The following KIAA1328 variants were observed in gnomAD, a reference collection of about 807,000 sequenced individuals.
KIAA1328 encodes KIAA1328.
In KIAA1328, 52 loss-of-function variants were observed where a neutral mutation model predicts 68.1. The observed-to-expected ratio is 0.76, with a 90% confidence interval of 0.61 to 0.96. The LOEUF (loss-of-function observed/expected upper bound fraction) is 0.96. Ranked by LOEUF, KIAA1328 falls within the 40% of genes least tolerant of loss-of-function variation. The pLI, the probability that KIAA1328 is intolerant of heterozygous loss-of-function variation, is 0.00. For synonymous variants in KIAA1328, 232 were observed against 239.4 expected (o/e 0.97, Z 0.28); for missense variants, 641 against 677.6 (o/e 0.95, Z 0.60).
Position 37,224,762 on chromosome 18 carries a change from T to A in KIAA1328, c.*2535T>A, listed in dbSNP as rs2060618007. On this transcript the variant is annotated 3_prime_UTR_variant, in exon 10 of 10. Transcript: ENST00000280020. ...ATTTGCTCGTCCAGCCTCTAGACACTTCCCAAAGCAAGACTGGACACATGC... is the reference window on the plus strand; with the variant it reads ...ATTTGCTCGTCCAGCCTCTAGACACATCCCAAAGCAAGACTGGACACATGC... 1.0e-6 allele frequency: 1 copy of A among 985,256 alleles called. No individual in the cohort carries two copies. The highest frequency in any genetic ancestry group is 1.2e-6 in the Non-Finnish European group (1 of 829,930). The allele number at this position is 985,256 out of a possible 1,614,324, so 61.0% of individuals were successfully genotyped here.
At chr18:37,008,614 T>C (rs2053865630) in intron 6 of KIAA1328, among the ~76,000 whole-genome samples, 1 of 152,162 alleles carries the variant, frequency 6.6e-6, no homozygotes, top group African/African-American at 2.4e-5. Context: ...AGACAAAGAC[T>C]TTAAAGCAGC....
At chr18:36,835,934 G>T (rs1241848498) in intron 3 of KIAA1328, among the ~76,000 whole-genome samples, 1 of 152,240 alleles carries the variant, frequency 6.6e-6, no homozygotes, top group Middle Eastern at 3.4e-3. Context: ...GAATGTTCTG[G>T]AATCTATAAC....
At chr18:36,942,018 C>T (rs2050732033) in intron 5 of KIAA1328, among the ~76,000 whole-genome samples, 1 of 152,052 alleles carries the variant, frequency 6.6e-6, no homozygotes, top group Non-Finnish European at 1.5e-5. Flanking sequence ...TGGTACTTTG[C>T]CTTGAAAAAA....
At chr18:37,128,565 A>G (rs904682493) in intron 7 of KIAA1328, among the ~76,000 whole-genome samples, 3 of 152,220 alleles carry the variant, frequency 2.0e-5, no homozygotes, top group East Asian at 1.9e-4. Context: ...AGAATGCAAA[A>G]TGATACAGCC....
At chr18:37,226,621 T>C (rs1364104807), downstream of KIAA1328, among the ~76,000 whole-genome samples, 1 of 152,200 alleles carries the variant, frequency 6.6e-6, no homozygotes, top group Non-Finnish European at 1.5e-5. Context: ...CACATATACA[T>C]GGTTCCTTTT....
intron 9 of KIAA1328, among the ~76,000 whole-genome samples, chr18:37,201,729 G>A (rs1269580950): frequency 2.0e-5 from 3 of 152,182 alleles, no homozygotes; most frequent in East Asian, 1.9e-4. Flanking sequence ...GACTGTGCCT[G>A]TAATACATGT....
chr18:36,941,335 C>G (rs1336142538), intron 5 of KIAA1328, among the ~76,000 whole-genome samples: 1 of 152,090 alleles, frequency 6.6e-6, no homozygotes. Context: ...TGGCTCATGC[C>G]TGTAATCCCA....
intron 6 of KIAA1328, among the ~76,000 whole-genome samples, chr18:37,010,171 A>G (rs905795559): frequency 2.0e-5 from 3 of 152,114 alleles, no homozygotes; most frequent in Admixed American, 2.0e-4. Flanking sequence ...AAGGCTGGGC[A>G]CAATGGCTCA....
intron 9 of KIAA1328, among the ~76,000 whole-genome samples, chr18:37,194,959 A>C (rs957339530): frequency 6.6e-6 from 1 of 152,136 alleles, no homozygotes; most frequent in Non-Finnish European, 1.5e-5. Flanking sequence ...CGCCCAGCCT[A>C]TGGTTGCTTT....
At position 37,067,066 on chromosome 18, in the gene KIAA1328, C is replaced by A; in HGVS notation, c.753C>A (p.Thr251=). ...GGAATAATTCTTTGAAACCAGTAACCCTTCATCATCCCAAAGATGATCTAG... is the reference window on the plus strand; with the variant it reads ...GGAATAATTCTTTGAAACCAGTAACACTTCATCATCCCAAAGATGATCTAG... The part of the protein sequence containing the change: ...AFRNNSLKPV[T]LHHPKDDLDK... The change falls in exon 7 of 10, where the codon ACC becomes ACA. Residue 251 remains threonine, a synonymous_variant. Coordinates refer to ENST00000280020, the MANE Select transcript of KIAA1328 (RefSeq NM_020776.3). 1 of 1,613,936 alleles carries A rather than the reference C, an allele frequency of 6.2e-7. No individual in the cohort carries two copies. The highest frequency in any genetic ancestry group is 8.5e-7 in the Non-Finnish European group (1 of 1,179,864).
At chr18:37,179,531 G>A (rs1035063981) in intron 9 of KIAA1328, among the ~76,000 whole-genome samples, 2 of 152,216 alleles carry the variant, frequency 1.3e-5, no homozygotes, top group South Asian at 2.1e-4. Flanking sequence ...ACAGTTGCCT[G>A]TGCACAGCCA....
chr18:36,937,869 T>C (rs188823691), intron 5 of KIAA1328, among the ~76,000 whole-genome samples: 55 of 152,330 alleles, frequency 3.6e-4, no homozygotes, highest in African/African-American at 8.4e-4. Context: ...AATATTGTCT[T>C]TCCATTCTTG....
At chr18:36,835,123 G>A (rs2046629967) in intron 2 of KIAA1328, 111 bp from the exon 3 acceptor site, 2 of 756,146 alleles carry the variant, frequency 2.6e-6, no homozygotes, top group African/African-American at 1.8e-5. Flanking sequence ...AAGTAAGAGA[G>A]TTTCCTCCAT....
chr18:37,067,794 A>C (rs1038336327), intron 7 of KIAA1328, among the ~76,000 whole-genome samples: 2 of 151,960 alleles, frequency 1.3e-5, no homozygotes, highest in Non-Finnish European at 2.9e-5. Context: ...TCCTGATCTC[A>C]TGATCCACCC....
intron 8 of KIAA1328, among the ~76,000 whole-genome samples, chr18:37,164,165 A>C (rs1459631524): frequency 6.6e-6 from 1 of 152,226 alleles, no homozygotes; most frequent in Admixed American, 6.5e-5. Context: ...TATAAGTTCC[A>C]TATGTTCACT....
At chr18:36,870,495 C>T (rs2047908570) in intron 4 of KIAA1328, among the ~76,000 whole-genome samples, 1 of 152,004 alleles carries the variant, frequency 6.6e-6, no homozygotes, top group African/African-American at 2.4e-5. Context: ...AAAATAGTAG[C>T]AGATGAAGTA....
chr18:36,939,923 T>C (rs1311425010), intron 5 of KIAA1328, among the ~76,000 whole-genome samples: 1 of 152,182 alleles, frequency 6.6e-6, no homozygotes, highest in East Asian at 1.9e-4. Context: ...ATATATTCTT[T>C]TATATATGTC....
At chr18:37,150,980 T>C (rs938239942) in intron 7 of KIAA1328, among the ~76,000 whole-genome samples, 1 of 152,158 alleles carries the variant, frequency 6.6e-6, no homozygotes, top group Non-Finnish European at 1.5e-5. Flanking sequence ...ATGAAAGATA[T>C]TGGGAAGAAG....
At chr18:37,084,292 T>A in intron 7 of KIAA1328, 3 of 932,168 alleles carry the variant, frequency 3.2e-6, no homozygotes, top group Non-Finnish European at 4.6e-6. Context: ...TAGGATACGT[T>A]TGGTATACTT....
Sources: gnomAD v4.1 joint callset for allele counts (sites outside exome capture counted in the v4.1 genomes callset) on GRCh38, gnomAD v4.1.1 for gene constraint, MANE v1.5 for transcripts, NCBI Gene and HGNC (gene_info 2026-07-23, HGNC 2026-07-21) for gene names.